HK1: variants seen among roughly 807,000 people sequenced by gnomAD.
HK1 encodes hexokinase-1.
A neutral mutation model predicts 91.6 loss-of-function variants in HK1; 28 were observed. The ratio of observed to expected loss-of-function variants is 0.31; its 90% CI spans 0.23 to 0.42. HK1 has a LOEUF of 0.42. HK1 is among the 10% of genes least tolerant of loss of function. The pLI is 1.00. For missense variants in HK1, 770 were observed against 1,219.8 expected, an observed-to-expected ratio of 0.63 and a Z score of 5.49; for synonymous variants, 430 against 468.1, an observed-to-expected ratio of 0.92 and a Z score of 1.05.
intron 1 of HK1, among the ~76,000 whole-genome samples, chr10:69,330,037 A>G (rs924768539): frequency 6.6e-6 from 1 of 152,168 alleles, no homozygotes. Context: ...GGCAATGCTT[A>G]ACCTGCATGA....
At chr10:69,316,546 G>A (rs1390527415), upstream of HK1, among the ~76,000 whole-genome samples, 2 of 152,262 alleles carry the variant, frequency 1.3e-5, no homozygotes, top group African/African-American at 4.8e-5. Flanking sequence ...GGGGAGGAAT[G>A]AGTCACCTTG....
At chr10:69,358,562 A>T (rs1487836426) in intron 2 of HK1, among the ~76,000 whole-genome samples, 2 of 152,238 alleles carry the variant, frequency 1.3e-5, no homozygotes, top group Non-Finnish European at 2.9e-5. Flanking sequence ...AATATTATTC[A>T]GTCTTAAAAA....
At chr10:69,396,395 A>G (rs1224016449) in intron 16 of HK1, among the ~76,000 whole-genome samples, 1 of 152,048 alleles carries the variant, frequency 6.6e-6, no homozygotes, top group African/African-American at 2.4e-5. Context: ...GTTCGGTGAC[A>G]TTAAGTACAT....
intron 1 of HK1, among the ~76,000 whole-genome samples, chr10:69,340,396 T>C (rs1019511998): frequency 6.6e-5 from 10 of 152,098 alleles, no homozygotes; most frequent in African/African-American, 2.4e-4. Flanking sequence ...ATTACAGGCA[T>C]GCACCACCAT....
At chr10:69,281,372 C>G (rs1186902198) in intron 1 of HK1, among the ~76,000 whole-genome samples, 3 of 152,180 alleles carry the variant, frequency 2.0e-5, no homozygotes, top group Admixed American at 2.0e-4. Flanking sequence ...AGTAAAATCC[C>G]AAATGCAGAG....
intron 3 of HK1, among the ~76,000 whole-genome samples, chr10:69,289,436 G>A (rs1845182574): frequency 6.7e-6 from 1 of 149,358 alleles, no homozygotes; most frequent in Admixed American, 6.7e-5. Flanking sequence ...ATGTAAAAAT[G>A]GGCTTCTGCC....
chr10:69,359,838 G>A, intron 2 of HK1, 59 bp from the exon 3 acceptor site: 1 of 1,535,920 alleles, frequency 6.5e-7, no homozygotes, highest in Non-Finnish European at 9.0e-7. Context: ...AGCGGGCATG[G>A]TATGTGGCTT....
chr10:69,377,050 G>A lies in HK1; in HGVS notation c.992G>A (p.Arg331Gln), dbSNP rs1220969409. 1 of 1,614,166 alleles carries A rather than the reference G, an allele frequency of 6.2e-7. No homozygotes were observed. The highest frequency in any genetic ancestry group is 8.5e-7 in the Non-Finnish European group (1 of 1,180,016). The change falls in exon 8 of 18, where the codon CGA becomes CAA. Residue 331 changes from arginine (R) to glutamine (Q), a missense_variant. Arg to Gln is a conservative substitution (Grantham distance 43, BLOSUM62 1). Around this residue, in one of 7 missense-constraint regions of HK1, gnomAD observed 449 missense variants for 665.1 expected, o/e 0.68. Coordinates refer to ENST00000359426, the MANE Select transcript of HK1 (RefSeq NM_000188.3). ...CGGATCACCCCGGAGCTGCTCACCC[G>A]AGGGAAGTTTAACACCAGTGATGTG... ...EGRITPELLT[R>Q]GKFNTSDVSA...
chr10:69,310,796 CCTG>C (rs1361467095), upstream of HK1, among the ~76,000 whole-genome samples: 2 of 152,172 alleles, frequency 1.3e-5, no homozygotes, highest in South Asian at 2.1e-4. Flanking sequence ...GTGGCTCATG[CCTG>C]TAATCTCAGC....
intron 2 of HK1, among the ~76,000 whole-genome samples, chr10:69,283,020 G>T (rs60996262): frequency 0.032 from 4,767 of 150,792 alleles, 282 homozygotes; most frequent in African/African-American, 0.11. Context: ...CAGCTACTTC[G>T]GAGGCTGAGG....
rs569925786 is a variant in HK1 at position 69,279,596 on chromosome 10, C to T, written c.-390-2933C>T. Among the ~76,000 whole-genome samples the T allele has an allele frequency of 3.3e-5, 5 of 152,296 alleles. 1 individual carries two copies. Among genetic ancestry groups the T allele is most frequent in the Admixed American group, 3.3e-4 (5 of 15,294 alleles). Reference sequence around the variant, plus strand: ...TCAGAATGACCCAAGAAACATGTTTCTCCAGAAACTAAGTAGATCTTGGGC... The same window carrying T: ...TCAGAATGACCCAAGAAACATGTTTTTCCAGAAACTAAGTAGATCTTGGGC... On this transcript the variant is annotated intron_variant, in intron 1 of 21. Coordinates refer to the HK1 transcript ENST00000360289.
At chr10:69,270,401 T>C (rs1451479817) in intron 1 of HK1, among the ~76,000 whole-genome samples, 1 of 151,986 alleles carries the variant, frequency 6.6e-6, no homozygotes. Flanking sequence ...GCCAACATGG[T>C]GAAACCTCAT....
rs375648348 is a variant in HK1, at chr10:69,380,124, C to G, written c.1265+29C>G. The G allele has an allele frequency of 4.5e-6, 7 of 1,556,720 alleles. No homozygotes were observed. Among genetic ancestry groups the G allele is most frequent in the South Asian group, 4.4e-5 (4 of 89,976 alleles). On this transcript the variant is annotated intron_variant, in intron 9 of 17. Coordinates refer to ENST00000359426, the MANE Select transcript of HK1 (RefSeq NM_000188.3). The surrounding 1 kb of genome is among the most constrained non-coding windows in gnomAD (Gnocchi z 4.0). ...AGTCTGCCCTTTGCTATCATTGGCA[C>G]TCTGTACCCATTGTGGGTAGGGACC... is the stretch of plus-strand genomic sequence containing the variant.
At chr10:69,316,025 G>A (rs1846623693), upstream of HK1, 1 of 1,612,662 alleles carries the variant, frequency 6.2e-7, no homozygotes, top group South Asian at 1.1e-5. Flanking sequence ...GTGAGTAGCT[G>A]TGGTCCAGGG....
At chr10:69,318,285 G>T (rs754413865), upstream of HK1, 305 of 939,012 alleles carry the variant, frequency 3.2e-4, no homozygotes, top group Non-Finnish European at 3.7e-4. Context: ...ACCCGGGTGC[G>T]AGGACTGCGT....
intron 14 of HK1, 180 bp downstream of exon 14, chr10:69,389,476 A>AGGGGGGGG: frequency 2.6e-5 from 5 of 191,736 alleles, no homozygotes; most frequent in Admixed American, 7.3e-5. Flanking sequence ...TGGCGGGGGG[A>AGGGGGGGG]GGTGGGGGGG....
intron 3 of HK1, among the ~76,000 whole-genome samples, chr10:69,361,685 G>A (rs987616944): frequency 6.6e-6 from 1 of 152,030 alleles, no homozygotes; most frequent in Non-Finnish European, 1.5e-5. Flanking sequence ...TATCCCCATC[G>A]TCCCCTCTTC....
chr10:69,275,758 G>A (rs1381534864), intron 1 of HK1, among the ~76,000 whole-genome samples: 1 of 152,038 alleles, frequency 6.6e-6, no homozygotes, highest in Non-Finnish European at 1.5e-5. Context: ...AAATATGTTT[G>A]CTTTGAAATT....
chr10:69,354,527 G>A (rs1296453706), intron 2 of HK1, among the ~76,000 whole-genome samples: 1 of 152,110 alleles, frequency 6.6e-6, no homozygotes, highest in African/African-American at 2.4e-5. Context: ...CAGCATGGGG[G>A]GAACCACCTC....
Sources: gnomAD v4.1 joint callset for allele counts (sites outside exome capture counted in the v4.1 genomes callset) on GRCh38, gnomAD v4.1.1 for gene constraint, gnomAD v4.1.1 regional missense constraint, Gnocchi (gnomAD v3.1) non-coding constraint, MANE v1.5 for transcripts, NCBI Gene and HGNC (gene_info 2026-07-23, HGNC 2026-07-21) for gene names.